The following PRR19 variants were observed in gnomAD, a reference collection of about 807,000 sequenced individuals.
PRR19 encodes the protein proline rich 19, also known as proline-rich protein 19.
A neutral mutation model predicts 19.2 loss-of-function variants in PRR19; 9 were observed. The ratio of observed to expected loss-of-function variants is 0.47; its 90% CI spans 0.28 to 0.82. The LOEUF is 0.82. Among genes scored for constraint, PRR19 ranks in the 40% least tolerant of loss-of-function variants. The probability of loss-of-function intolerance (pLI) is 0.11; values close to 1 mark genes in which losing one functional copy is unlikely to be tolerated. For missense variants in PRR19, 457 were observed against 466.0 expected, an observed-to-expected ratio of 0.98 and a Z score of 0.18; for synonymous variants, 190 against 191.0, an observed-to-expected ratio of 0.99 and a Z score of 0.04.
intron 1 of PRR19, among the ~76,000 whole-genome samples, chr19:42,308,253 G>T (rs2038737264): frequency 6.6e-6 from 1 of 151,920 alleles, no homozygotes; most frequent in South Asian, 2.1e-4. Context: ...AAGAGACAAG[G>T]TCTCACTCTC....
chr19:42,305,195 T>G (rs535367444), intron 1 of PRR19, among the ~76,000 whole-genome samples: 68 of 151,672 alleles, frequency 4.5e-4, no homozygotes, highest in Non-Finnish European at 5.2e-4. Context: ...AGTGACAGAT[T>G]TAAATTCCAT....
chr19:42,304,733 G>C (rs1268821413), intron 1 of PRR19, among the ~76,000 whole-genome samples: 1 of 137,076 alleles, frequency 7.3e-6, no homozygotes, highest in African/African-American at 2.7e-5. Context: ...CTGGGAGACA[G>C]AGCGAGACGC....
rs2038785960 is a variant in PRR19 at position 42,310,663 on chromosome 19, C to G, written c.994C>G (p.Pro332Ala). ...GGACTGGAGCCCCAGCCCCCCTTCC[C>G]CACTGCCCAGCCTCTCCTGGGTAGT... ...VLDWSPSPPSPLPSLSWVVAQ... is the reference protein window; with the variant it reads ...VLDWSPSPPSALPSLSWVVAQ... Residue 332 changes from proline (P) to alanine (A), a missense_variant, in exon 3 of 3, where the codon CCA (proline) becomes GCA (alanine). By Grantham distance (27) the Pro-to-Ala change is conservative. Transcript: ENST00000341747. 6.2e-7 allele frequency: 1 copy of G among 1,610,292 alleles called. No homozygotes were observed.
rs978507007 is a variant in PRR19, at chr19:42,302,368, C to T, written c.-142C>T. ...CGGGTCGGCCCGGGAGTGTTCCGAACGGAGCTGGCTCCGCCACGCCCACTC... is the reference window on the plus strand; with the variant it reads ...CGGGTCGGCCCGGGAGTGTTCCGAATGGAGCTGGCTCCGCCACGCCCACTC... On this transcript the variant is annotated 5_prime_UTR_variant, in exon 1 of 3. The change creates a new upstream start codon in the 5' untranslated region. Coordinates refer to ENST00000341747, the MANE Select transcript of PRR19 (RefSeq NM_199285.3). 6 of 1,478,884 alleles carry T rather than the reference C, an allele frequency of 4.1e-6. No homozygotes were observed. Among genetic ancestry groups the T allele is most frequent in the Non-Finnish European group, 5.5e-6 (6 of 1,093,468 alleles). 91.6% of individuals were successfully genotyped at this position (1,478,884 alleles called of 1,614,324 possible).
intron 1 of PRR19, among the ~76,000 whole-genome samples, chr19:42,306,303 A>G (rs1449526746): frequency 1.3e-5 from 2 of 152,164 alleles, no homozygotes; most frequent in Non-Finnish European, 2.9e-5. Flanking sequence ...CCTCCCGAGT[A>G]GTTAGGACTA....
intron 1 of PRR19, among the ~76,000 whole-genome samples, chr19:42,305,192 G>T (rs2038694722): frequency 6.6e-6 from 1 of 151,612 alleles, no homozygotes; most frequent in African/African-American, 2.4e-5. Context: ...CTCAGTGACA[G>T]ATTTAAATTC....
At chr19:42,304,496 T>G (rs904896662) in intron 1 of PRR19, among the ~76,000 whole-genome samples, 3 of 149,324 alleles carry the variant, frequency 2.0e-5, no homozygotes, top group Non-Finnish European at 4.4e-5. Context: ...CTCACGCCTG[T>G]AATCCCAGCA....
Position 42,310,490 on chromosome 19 carries a change from G to GA in PRR19, c.823dup (p.Thr275AsnfsTer10), listed in dbSNP as rs754725254. 1.2e-6 allele frequency: 2 copies of GA among 1,614,170 alleles called. No homozygotes were observed. The highest frequency in any genetic ancestry group is 1.7e-6 in the Non-Finnish European group (2 of 1,180,016). On this transcript the variant is annotated frameshift_variant, in exon 3 of 3. Coordinates refer to ENST00000341747, the MANE Select transcript of PRR19 (RefSeq NM_199285.3). LOFTEE classifies it high-confidence loss of function. ...TTTCCCTCACTGTCTTCGCCATCTG[G>GA]AACAGCCTGGGGTCCCCCAACAGCG...
Sources: allele counts gnomAD v4.1 joint callset (sites outside exome capture counted in the v4.1 genomes callset), GRCh38; gene constraint gnomAD v4.1.1; transcripts MANE v1.5; gene names NCBI Gene and HGNC (gene_info 2026-07-23, HGNC 2026-07-21).